RAPH1: variants seen among roughly 807,000 people sequenced by gnomAD.
RAPH1 encodes ras-associated and pleckstrin homology domains-containing protein 1.
A neutral mutation model predicts 88.1 loss-of-function variants in RAPH1; 18 were observed. The observed-to-expected ratio is 0.20, with a 90% CI of 0.14 to 0.30. The LOEUF is 0.30. Among genes scored for constraint, RAPH1 ranks in the 10% least tolerant of loss-of-function variants. The pLI, the probability that RAPH1 is intolerant of heterozygous loss-of-function variation, is 1.00. For synonymous variants in RAPH1, 587 were observed against 559.0 expected, an observed-to-expected ratio of 1.05 and a Z score of -0.71; for missense variants, 1,448 against 1,543.2, an observed-to-expected ratio of 0.94 and a Z score of 1.03.
chr2:203,461,646 G>A (rs1257821410), intron 5 of RAPH1, among the ~76,000 whole-genome samples: 1 of 152,030 alleles, frequency 6.6e-6, no homozygotes, highest in African/African-American at 2.4e-5. Context: ...TACTCCTTTA[G>A]GAGAATTCAG....
chr2:203,513,079 C>T (rs1478922228), intron 1 of RAPH1, among the ~76,000 whole-genome samples: 1 of 152,114 alleles, frequency 6.6e-6, no homozygotes, highest in East Asian at 1.9e-4. Flanking sequence ...CCAGATCTCC[C>T]TAGTTATCTA....
At position 203,440,092 on chromosome 2, in the gene RAPH1, G is replaced by T. The variant is rs749281160; in HGVS notation, c.3098C>A (p.Ser1033Tyr). The change falls in exon 14 of 14, where the codon TCT becomes TAT. Residue 1033 changes from serine (S) to tyrosine (Y), a missense_variant. This residue lies in a region of RAPH1 where 935 missense variants were observed against 890.1 expected (regional missense o/e 1.05). Transcript: ENST00000319170. ...APPKPGKLNL[S>Y]GVNLPGVLQQ... is the part of the protein sequence containing the mutation. ...GAGAACTCCAGGAAGGTTGACTCCAGAAAGATTGAGTTTTCCAGGCTTGGG... is the reference window on the plus strand; with the variant it reads ...GAGAACTCCAGGAAGGTTGACTCCATAAAGATTGAGTTTTCCAGGCTTGGG... The T allele has an allele frequency of 6.2e-7, 1 of 1,613,592 alleles. No homozygotes were observed. Among genetic ancestry groups the T allele is most frequent in the South Asian group, 1.1e-5 (1 of 91,078 alleles).
In RAPH1 at chr2:203,439,238, CATACATATATGT is replaced by C; in HGVS notation, c.*187_*198del. 3.6e-6 allele frequency: 2 copies of C among 558,184 alleles called. No individual in the cohort carries two copies. The highest frequency in any genetic ancestry group is 6.4e-6 in the Non-Finnish European group (2 of 313,734). 34.6% of individuals were successfully genotyped at this position (558,184 alleles called of 1,614,324 possible). On this transcript the variant is annotated 3_prime_UTR_variant, in exon 14 of 14. Transcript: ENST00000319170. ...AGCTCTCTCTCTATATACACATACA[CATACATATATGT>C]ATACATATATACACACACTGTACAG...
chr2:203,506,856 C>CTATATATCTATCTATATA (rs1559494829), intron 1 of RAPH1, among the ~76,000 whole-genome samples: 1 of 30,776 alleles, frequency 3.2e-5, no homozygotes, highest in Non-Finnish European at 5.4e-5. Flanking sequence ...CTATCTATAT[C>CTATATATCTATCTATATA]TATATATATA....
intron 1 of RAPH1, among the ~76,000 whole-genome samples, chr2:203,512,236 C>T (rs528338777): frequency 1.3e-5 from 2 of 151,468 alleles, no homozygotes; most frequent in South Asian, 4.2e-4. Context: ...GGAGCCCAGC[C>T]TGGCCAACAT....
Position 203,448,716 on chromosome 2 carries a change from A to AT in RAPH1, c.1512+21dup. 6.7e-7 allele frequency: 1 copy of AT among 1,502,560 alleles called. No individual in the cohort carries two copies. Among genetic ancestry groups the AT allele is most frequent in the Non-Finnish European group, 9.1e-7 (1 of 1,093,914 alleles). 93.1% of individuals were successfully genotyped at this position (1,502,560 alleles called of 1,614,324 possible). A position where few individuals can be genotyped will look rare whatever the true frequency, so the allele number is the denominator to read the frequency against. On this transcript the variant is annotated intron_variant, in intron 11 of 13. Coordinates refer to ENST00000319170, the MANE Select transcript of RAPH1 (RefSeq NM_213589.3). The surrounding 1 kb of genome is among the most constrained non-coding windows in gnomAD (Gnocchi z 4.1). The stretch of plus-strand genomic sequence containing the variant: ...TCGACAAACACCTCATTATTCCATC[A>AT]TCAAATCAAAAGGAGACATGCCTTT...
chr2:203,479,565 G>A lies in RAPH1; in HGVS notation c.732+10019C>T, dbSNP rs941219239. Among the ~76,000 whole-genome samples, 7 of 148,320 alleles carry A rather than the reference G, an allele frequency of 4.7e-5. No homozygotes were observed. The East Asian group carries it at 7.9e-4, about 17-fold the overall frequency. ...AGAGGTTTCAGTGAGCCGAGATGGC[G>A]CCACTGTATTCCAGCCTGAGCAACA... On this transcript the variant is annotated intron_variant, in intron 4 of 13. Coordinates refer to ENST00000319170, the MANE Select transcript of RAPH1 (RefSeq NM_213589.3).
chr2:203,464,472 T>G (rs1014049476), intron 4 of RAPH1, among the ~76,000 whole-genome samples: 1 of 152,248 alleles, frequency 6.6e-6, no homozygotes, highest in Non-Finnish European at 1.5e-5. Flanking sequence ...GGTTTCGCCA[T>G]GTTGGCGAGA....
chr2:203,513,841 A>G (rs1374116754), intron 1 of RAPH1, among the ~76,000 whole-genome samples: 1 of 150,256 alleles, frequency 6.7e-6, no homozygotes, highest in African/African-American at 2.4e-5. Context: ...TCTCAAGAAA[A>G]AAAAAAAAAA....
Position 203,488,906 on chromosome 2 carries a change from C to A in RAPH1, c.732+678G>T, listed in dbSNP as rs540722955. 5.3e-5 allele frequency among the ~76,000 whole-genome samples: 8 copies of A among 151,880 alleles called. No homozygotes were observed. The South Asian group carries it at 1.7e-3, about 32-fold the overall frequency. On this transcript the variant is annotated intron_variant, in intron 4 of 13. Transcript: ENST00000319170. The stretch of plus-strand genomic sequence containing the variant: ...TGGGAGGCCAAGGCGGTTGGATCAC[C>A]TGAGGTCAGGAGTTCGAGACCAGCC...
At chr2:203,447,920 A>G (rs2098511420) in intron 12 of RAPH1, 39 bp downstream of exon 12, 2 of 1,611,128 alleles carry the variant, frequency 1.2e-6, no homozygotes, top group Non-Finnish European at 1.7e-6. Flanking sequence ...AGACCTTCAT[A>G]TTAATCGCAA....
intron 1 of RAPH1, among the ~76,000 whole-genome samples, chr2:203,530,843 G>C (rs1218434343): frequency 6.6e-6 from 1 of 150,988 alleles, no homozygotes; most frequent in African/African-American, 2.4e-5. Context: ...AGTGAGCTGA[G>C]ATTGTGCCAT....
Position 203,489,972 on chromosome 2 carries a change from G to A in RAPH1, c.344C>T (p.Thr115Met), listed in dbSNP as rs142789651. 18 of 1,614,046 alleles carry A rather than the reference G, an allele frequency of 1.1e-5. No individual in the cohort carries two copies. The African/African-American group carries it at 1.2e-4, about 11-fold the overall frequency. ...SGNSKRQITE[T>M]KATQKLPVSR... The stretch of plus-strand genomic sequence containing the variant: ...AACAGGCAATTTCTGAGTAGCTTTC[G>A]TTTCTGTGATTTGACGCTTACTGTT... Residue 115 changes from threonine to methionine, a missense_variant, in exon 4 of 14, where the codon ACG (threonine) becomes ATG (methionine). Thr to Met is a moderately conservative substitution (Grantham distance 81). This residue lies in a region of RAPH1 where 513 missense variants were observed against 653.1 expected (regional missense o/e 0.79). Coordinates refer to ENST00000319170, the MANE Select transcript of RAPH1 (RefSeq NM_213589.3).
intron 4 of RAPH1, among the ~76,000 whole-genome samples, chr2:203,481,568 A>AATATATATATATATATATATATATATAT (rs60650703): frequency 7.2e-6 from 1 of 138,122 alleles, no homozygotes; most frequent in African/African-American, 2.7e-5. Context: ...TAAATAGATG[A>AATATATATATATATATATATATATATAT]ATATATATAT....
Position 203,448,798 on chromosome 2 carries a change from G to A in RAPH1, c.1452C>T (p.Tyr484=). The A allele has an allele frequency of 6.2e-7, 1 of 1,611,450 alleles. No homozygotes were observed. The highest frequency in any genetic ancestry group is 8.5e-7 in the Non-Finnish European group (1 of 1,179,078). ...GTGTCCTCACATCATCACAACAAAG[G>A]TATTTGATATATTGAGATTTCTTCT... is the stretch of plus-strand genomic sequence containing the variant. ...QIQKKSQYIK[Y]LCCDDVRTLH... Residue 484 remains tyrosine (Y), a synonymous_variant, in exon 11 of 14, where the codon TAC becomes TAT. Transcript: ENST00000319170. This position sits in a 1 kb window ranked among gnomAD's most constrained non-coding sequence, Gnocchi z 4.1.
intron 9 of RAPH1, among the ~76,000 whole-genome samples, chr2:203,454,896 AT>A (rs1270477153): frequency 6.6e-6 from 1 of 152,220 alleles, no homozygotes; most frequent in Non-Finnish European, 1.5e-5. Context: ...AGTGCCTATA[AT>A]GCATATGTAA....
chr2:203,469,657 G>A (rs962178114), intron 4 of RAPH1, among the ~76,000 whole-genome samples: 1 of 152,166 alleles, frequency 6.6e-6, no homozygotes. Flanking sequence ...AGTTAATGAT[G>A]ACAATGGCTA....
chr2:203,455,962 T>C lies in RAPH1; in HGVS notation c.1159-382A>G, dbSNP rs2098519074. Among the ~76,000 whole-genome samples the C allele has an allele frequency of 2.0e-5, 3 of 151,764 alleles. No homozygotes were observed. The South Asian group carries it at 6.2e-4, about 32-fold the overall frequency. ...AGGCGGAGATTGCAGTGAGCTGAGA[T>C]CACACCACTGCACTCCAGCCTGGGC... On this transcript the variant is annotated intron_variant, in intron 8 of 13. Coordinates refer to ENST00000319170, the MANE Select transcript of RAPH1 (RefSeq NM_213589.3).
Position 203,436,195 on chromosome 2 carries a change from T to C in RAPH1, c.*3242A>G, listed in dbSNP as rs2098498355. On this transcript the variant is annotated 3_prime_UTR_variant, in exon 14 of 14. Transcript: ENST00000319170. ...CTTTGCAGGATATGCCTTTGGTGGG[T>C]GGGAGCACCTAGATTTTAGAGGACT... 1.3e-5 allele frequency: 2 copies of C among 152,220 alleles called. No individual in the cohort carries two copies. Among genetic ancestry groups the C allele is most frequent in the South Asian group, 4.1e-4 (2 of 4,822 alleles). 9.4% of individuals were successfully genotyped at this position (152,220 alleles called of 1,614,324 possible). A position where few individuals can be genotyped will look rare whatever the true frequency, so the allele number is the denominator to read the frequency against.
Sources: gnomAD v4.1 joint callset for allele counts (sites outside exome capture counted in the v4.1 genomes callset) on GRCh38, gnomAD v4.1.1 for gene constraint, gnomAD v4.1.1 regional missense constraint, Gnocchi (gnomAD v3.1) non-coding constraint, MANE v1.5 for transcripts, NCBI Gene and HGNC (gene_info 2026-07-23, HGNC 2026-07-21) for gene names.